Variants in ERN1 observed in about 807,000 individuals in gnomAD.
ERN1 encodes the protein serine/threonine-protein kinase/endoribonuclease IRE1.
Under a neutral mutation model 113.1 loss-of-function variants are expected in ERN1, and 39 were observed. That is an observed-to-expected ratio of 0.34 (90% CI 0.27 to 0.45). The LOEUF (loss-of-function observed/expected upper bound fraction) is 0.45. Among genes scored for constraint, ERN1 ranks in the 20% least tolerant of loss-of-function variants. The probability of loss-of-function intolerance (pLI) is 1.00; values close to 1 mark genes in which losing one functional copy is unlikely to be tolerated. For synonymous variants in ERN1, 507 were observed against 515.9 expected (o/e 0.98, Z 0.23); for missense variants, 976 against 1,274.8 (o/e 0.77, Z 3.57).
intron 8 of ERN1, 112 bp from the exon 9 acceptor site, chr17:64,065,399 C>G: frequency 2.7e-6 from 2 of 741,966 alleles, no homozygotes; most frequent in East Asian, 2.8e-5. Context: ...ATTAACCCCC[C>G]AGACATGGAG....
At position 64,055,193 on chromosome 17, in the gene ERN1, C is replaced by T. The variant is rs151079966; in HGVS notation, c.1673-365G>A. On this transcript the variant is annotated intron_variant, in intron 13 of 21. Coordinates refer to ENST00000433197, the MANE Select transcript of ERN1 (RefSeq NM_001433.5). The stretch of plus-strand genomic sequence containing the variant: ...ACAAAGTCCACTGTAAAGATCCGCA[C>T]TGAAGCATTCAGGTGGCGGCAATGG... Among the ~76,000 whole-genome samples, 166 of 152,368 alleles carry T rather than the reference C, an allele frequency of 1.1e-3. 1 individual carries two copies. The highest frequency in any genetic ancestry group is 3.8e-3 in the African/African-American group (159 of 41,580).
chr17:64,066,953 A>T, intron 7 of ERN1, 21 bp from the exon 8 acceptor site: 1 of 1,603,852 alleles, frequency 6.2e-7, no homozygotes, highest in Non-Finnish European at 8.5e-7. Flanking sequence ...CAAATAAACA[A>T]AGCATGCTGA....
chr17:64,121,259 C>A (rs1249451735), intron 1 of ERN1, among the ~76,000 whole-genome samples: 2 of 152,140 alleles, frequency 1.3e-5, no homozygotes, highest in Non-Finnish European at 2.9e-5. Flanking sequence ...AGGCAAACAC[C>A]CAGAACCAGC....
At chr17:64,083,451 G>A (rs1237050707) in intron 2 of ERN1, among the ~76,000 whole-genome samples, 1 of 152,124 alleles carries the variant, frequency 6.6e-6, no homozygotes, top group Admixed American at 6.6e-5. Flanking sequence ...CTGTAGGGAT[G>A]TAAACAAATA....
Position 64,116,995 on chromosome 17 carries a change from C to T in ERN1, c.54+12981G>A, listed in dbSNP as rs182894974. ...GGTGTTGTGGCGTGTGCCTGTATTC[C>T]CAGCTACTTGGGAGGCTGAGGCAGG... On this transcript the variant is annotated intron_variant, in intron 1 of 21. Coordinates refer to ENST00000433197, the MANE Select transcript of ERN1 (RefSeq NM_001433.5). Among the ~76,000 whole-genome samples the T allele has an allele frequency of 2.1e-4, 32 of 151,606 alleles. No homozygotes were observed. The East Asian group carries it at 5.8e-3, about 28-fold the overall frequency.
rs1167171777 is a variant in ERN1, at chr17:64,041,989, T to C, written c.*1999A>G. 6.6e-6 allele frequency: 1 copy of C among 152,208 alleles called. No individual in the cohort carries two copies. The highest frequency in any genetic ancestry group is 2.4e-5 in the African/African-American group (1 of 41,432). The allele number at this position is 152,208 out of a possible 1,614,324, so 9.4% of individuals were successfully genotyped here. A position where few individuals can be genotyped will look rare whatever the true frequency, so the allele number is the denominator to read the frequency against. ...ATTGGGTCACTAGAAATCACCTGGGTACTCCCAAAGAGAAAACCTGTGCTG... is the reference window on the plus strand; with the variant it reads ...ATTGGGTCACTAGAAATCACCTGGGCACTCCCAAAGAGAAAACCTGTGCTG... On this transcript the variant is annotated 3_prime_UTR_variant, in exon 22 of 22. Transcript: ENST00000433197.
At chr17:64,083,330 A>G (rs923783337) in intron 2 of ERN1, among the ~76,000 whole-genome samples, 1 of 152,214 alleles carries the variant, frequency 6.6e-6, no homozygotes, top group Non-Finnish European at 1.5e-5. Context: ...TGTGCACTAA[A>G]AGAGTAACAT....
intron 1 of ERN1, among the ~76,000 whole-genome samples, chr17:64,116,653 T>A (rs990791097): frequency 1.4e-4 from 20 of 139,110 alleles, no homozygotes; most frequent in African/African-American, 5.7e-4. Flanking sequence ...AAAAAAAAAA[T>A]AACACACACA....
At chr17:64,097,529 C>A (rs1914262659) in intron 2 of ERN1, among the ~76,000 whole-genome samples, 1 of 152,156 alleles carries the variant, frequency 6.6e-6, no homozygotes, top group Non-Finnish European at 1.5e-5. Flanking sequence ...CTTTGGAAAT[C>A]AAATACAATT....
rs373865264 is a variant in ERN1, at chr17:64,054,312, T to C, written c.1891A>G (p.Thr631Ala). The C allele has an allele frequency of 2.7e-5, 43 of 1,613,796 alleles. No homozygotes were observed. The highest frequency in any genetic ancestry group is 3.6e-5 in the Non-Finnish European group (42 of 1,179,860). Residue 631 changes from threonine (T) to alanine (A), a missense_variant, in exon 15 of 22, where the codon ACG becomes GCG. By Grantham distance (58) the Thr-to-Ala change is moderately conservative. Transcript: ENST00000433197. This position sits in a 1 kb window ranked among gnomAD's most constrained non-coding sequence, Gnocchi z 4.9. Reference protein sequence around the residue: ...EHPNVIRYFCTEKDRQFQYIA... With the variant: ...EHPNVIRYFCAEKDRQFQYIA... ...TACTGGAATTGCCGGTCCTTCTCCG[T>C]GCAGAAGTAGCGGATCACGTTCGGG...
chr17:64,077,171 G>T (rs188344675), intron 4 of ERN1, among the ~76,000 whole-genome samples: 86 of 152,212 alleles, frequency 5.7e-4, no homozygotes, highest in African/African-American at 2.0e-3. Flanking sequence ...CCTCTGTTTT[G>T]GTCACAGGCA....
intron 2 of ERN1, among the ~76,000 whole-genome samples, chr17:64,085,934 A>T (rs891820445): frequency 1.3e-5 from 2 of 152,198 alleles, no homozygotes; most frequent in African/African-American, 4.8e-5. Context: ...GGGGATATTA[A>T]GGGAGACTGA....
At chr17:64,075,134 A>T in intron 5 of ERN1, 41 bp downstream of exon 5, 1 of 1,472,064 alleles carries the variant, frequency 6.8e-7, no homozygotes. Context: ...TCCGGGACTT[A>T]CATCAAAGAG....
rs554232198 is a variant in ERN1 at position 64,119,928 on chromosome 17, G to T, written c.54+10048C>A. 2.6e-5 allele frequency among the ~76,000 whole-genome samples: 4 copies of T among 151,886 alleles called. No individual in the cohort carries two copies. In the South Asian group the frequency reaches 6.2e-4, roughly 24 times the overall value. On this transcript the variant is annotated intron_variant, in intron 1 of 21. Coordinates refer to ENST00000433197, the MANE Select transcript of ERN1 (RefSeq NM_001433.5). ...CTTGGGCCTTAAAACATTTTTTGCTGGTTTATTTGGTAGAGATGGGGTCTT... is the reference window on the plus strand; with the variant it reads ...CTTGGGCCTTAAAACATTTTTTGCTTGTTTATTTGGTAGAGATGGGGTCTT...
intron 5 of ERN1, among the ~76,000 whole-genome samples, chr17:64,074,068 T>C (rs1913513944): frequency 6.6e-6 from 1 of 152,210 alleles, no homozygotes; most frequent in Non-Finnish European, 1.5e-5. Context: ...AATATGAATA[T>C]GATCTGAAGG....
chr17:64,054,641 T>C lies in ERN1; in HGVS notation c.1763+97A>G, dbSNP rs1301000356. The C allele has an allele frequency of 1.0e-5, 11 of 1,080,408 alleles. No individual in the cohort carries two copies. The highest frequency in any genetic ancestry group is 1.6e-5 in the African/African-American group (1 of 63,064). The allele number at this position is 1,080,408 out of a possible 1,614,324, so 66.9% of individuals were successfully genotyped here. A position where few individuals can be genotyped will look rare whatever the true frequency, so the allele number is the denominator to read the frequency against. ...GACTCCATGCGTCTAGGTCACTGCT[T>C]TGACCCTGCTGTGCTCTGAGCCTGG... On this transcript the variant is annotated intron_variant, in intron 14 of 21. Coordinates refer to ENST00000433197, the MANE Select transcript of ERN1 (RefSeq NM_001433.5). This position sits in a 1 kb window ranked among gnomAD's most constrained non-coding sequence, Gnocchi z 4.9.
At chr17:64,071,923 G>A (rs1913432370) in intron 6 of ERN1, 58 bp downstream of exon 6, 2 of 1,541,410 alleles carry the variant, frequency 1.3e-6, no homozygotes, top group Non-Finnish European at 1.8e-6. Flanking sequence ...AGGCTGGGGA[G>A]CTTCTTCCGA....
chr17:64,108,858 C>T (rs60355283), intron 1 of ERN1, among the ~76,000 whole-genome samples: 7,544 of 152,228 alleles, frequency 0.05, 612 homozygotes, highest in African/African-American at 0.17. Context: ...TGCAGTAGCT[C>T]ATGCCTGTAA....
chr17:64,054,153 TG>T lies in ERN1; in HGVS notation c.1953+96del. On this transcript the variant is annotated intron_variant, in intron 15 of 21. Transcript: ENST00000433197. This position sits in a 1 kb window ranked among gnomAD's most constrained non-coding sequence, Gnocchi z 4.9. ...TGGGGTTTCACCATGTTGTCCAGGC[TG>T]GTCTCAAACTCCTGAGCTCACGTGA... is the stretch of plus-strand genomic sequence containing the variant. 9.1e-7 allele frequency: 1 copy of T among 1,104,398 alleles called. No individual in the cohort carries two copies. The highest frequency in any genetic ancestry group is 1.3e-6 in the Non-Finnish European group (1 of 779,976). 68.4% of individuals were successfully genotyped at this position (1,104,398 alleles called of 1,614,324 possible).
Sources: allele counts gnomAD v4.1 joint callset (sites outside exome capture counted in the v4.1 genomes callset), GRCh38; gene constraint gnomAD v4.1.1; non-coding constraint Gnocchi (gnomAD v3.1); transcripts MANE v1.5; gene names NCBI Gene and HGNC (gene_info 2026-07-23, HGNC 2026-07-21).